F13A1: variants seen among roughly 807,000 people sequenced by gnomAD.
The protein encoded by F13A1 is FSF, A subunit.
F13A1 carries 47 observed loss-of-function variants against 80.1 expected under a neutral mutation model. The observed-to-expected ratio is 0.59, with a 90% CI of 0.46 to 0.75. The LOEUF (loss-of-function observed/expected upper bound fraction) is 0.75, where lower values mean the gene tolerates loss of function less well. Ranked by LOEUF, F13A1 falls within the 30% of genes least tolerant of loss-of-function variation. The probability of loss-of-function intolerance (pLI) is 0.00; values close to 1 mark genes in which losing one functional copy is unlikely to be tolerated. For synonymous variants in F13A1, 349 were observed against 344.9 expected (o/e 1.01, Z -0.13); for missense variants, 817 against 930.4 (o/e 0.88, Z 1.59).
At chr6:6,248,099 A>G (rs931339735) in intron 6 of F13A1, among the ~76,000 whole-genome samples, 3 of 152,242 alleles carry the variant, frequency 2.0e-5, no homozygotes, top group African/African-American at 7.2e-5. Context: ...AAAGCCAAAG[A>G]AACATACAGT....
chr6:6,182,161 G>C lies in F13A1; in HGVS notation c.1306-20C>G. On this transcript the variant is annotated intron_variant, in intron 10 of 14. Transcript: ENST00000264870. ...GTTGACCTGGAAACAGGAGAGGAGA[G>C]CATTAGCCATCATCACATGTCTGCT... 6.2e-7 allele frequency: 1 copy of C among 1,613,480 alleles called. No individual in the cohort carries two copies. Among genetic ancestry groups the C allele is most frequent in the South Asian group, 1.1e-5 (1 of 91,078 alleles).
chr6:6,265,464 G>A (rs1227898652), intron 4 of F13A1, among the ~76,000 whole-genome samples: 2 of 152,200 alleles, frequency 1.3e-5, no homozygotes, highest in Admixed American at 6.5e-5. Context: ...AAGTGTGGGA[G>A]CAGGGGAGAG....
At chr6:6,272,424 G>A (rs1164233947) in intron 3 of F13A1, among the ~76,000 whole-genome samples, 1 of 152,118 alleles carries the variant, frequency 6.6e-6, no homozygotes, top group Non-Finnish European at 1.5e-5. Flanking sequence ...CAGTGACTGA[G>A]TAGACACATC....
At chr6:6,248,453 T>G in intron 5 of F13A1, 34 bp from the exon 6 acceptor site, 1 of 1,544,298 alleles carries the variant, frequency 6.5e-7, no homozygotes, top group Non-Finnish European at 8.9e-7. Flanking sequence ...GAGAAACTAG[T>G]GTTCACTCTG....
chr6:6,249,903 C>A (rs1373391336), intron 5 of F13A1, among the ~76,000 whole-genome samples: 1 of 152,100 alleles, frequency 6.6e-6, no homozygotes, highest in Non-Finnish European at 1.5e-5. Flanking sequence ...GCATGTAATT[C>A]TCCGGAGTCA....
At chr6:6,198,570 A>G (rs1761333175) in intron 8 of F13A1, among the ~76,000 whole-genome samples, 1 of 152,150 alleles carries the variant, frequency 6.6e-6, no homozygotes, top group Admixed American at 6.5e-5. Flanking sequence ...GGTTCAAGAG[A>G]TATTAATTTC....
chr6:6,238,893 C>A (rs1055228120), intron 6 of F13A1, among the ~76,000 whole-genome samples: 6 of 152,214 alleles, frequency 3.9e-5, no homozygotes, highest in South Asian at 2.1e-4. Context: ...CTGGAACTCT[C>A]ATATGTTGCT....
At chr6:6,244,050 C>A (rs913059960) in intron 6 of F13A1, among the ~76,000 whole-genome samples, 1 of 152,198 alleles carries the variant, frequency 6.6e-6, no homozygotes, top group Non-Finnish European at 1.5e-5. Flanking sequence ...TCCCCAGAAC[C>A]ATGCTGCCCT....
chr6:6,279,886 C>A (rs1053488288), intron 3 of F13A1, among the ~76,000 whole-genome samples: 5 of 152,190 alleles, frequency 3.3e-5, no homozygotes, highest in Non-Finnish European at 7.3e-5. Flanking sequence ...CAACTGATGA[C>A]ATTTTTGCTA....
Position 6,250,078 on chromosome 6 carries a change from G to A in F13A1, c.690+733C>T, listed in dbSNP as rs565974272. ...GAAAACTCCCTGCTGGATGCCCAGCGCAATGATGCACAGTTCCAGCCATCC... is the reference window on the plus strand; with the variant it reads ...GAAAACTCCCTGCTGGATGCCCAGCACAATGATGCACAGTTCCAGCCATCC... On this transcript the variant is annotated intron_variant, in intron 5 of 14. Transcript: ENST00000264870. The surrounding 1 kb of genome is among the most constrained non-coding windows in gnomAD (Gnocchi z 4.2). Among the ~76,000 whole-genome samples the A allele has an allele frequency of 2.6e-5, 4 of 152,260 alleles. No homozygotes were observed. The East Asian group carries it at 5.8e-4, about 22-fold the overall frequency.
rs191243488 is a variant in F13A1, at chr6:6,271,920, G to A, written c.320-5111C>T. On this transcript the variant is annotated intron_variant, in intron 3 of 14. Transcript: ENST00000264870. ...AATCCCCCCAGCTGGGATGTAGGAGGAAGAAGATGAAAATCTTTAATTCCA... is the reference window on the plus strand; with the variant it reads ...AATCCCCCCAGCTGGGATGTAGGAGAAAGAAGATGAAAATCTTTAATTCCA... Among the ~76,000 whole-genome samples, 244 of 152,378 alleles carry A rather than the reference G, an allele frequency of 1.6e-3. 4 individuals are homozygous for A. Among genetic ancestry groups the A allele is most frequent in the African/African-American group, 5.6e-3 (233 of 41,588 alleles).
intron 3 of F13A1, among the ~76,000 whole-genome samples, chr6:6,279,355 T>A (rs1361690196): frequency 6.6e-6 from 1 of 152,214 alleles, no homozygotes; most frequent in Non-Finnish European, 1.5e-5. Context: ...CAATGTCTAA[T>A]TTATTGTAGT....
At chr6:6,312,518 A>G (rs1758618473) in intron 2 of F13A1, among the ~76,000 whole-genome samples, 1 of 61,772 alleles carries the variant, frequency 1.6e-5, no homozygotes, top group Non-Finnish European at 2.9e-5. Context: ...AAAAAAAAAA[A>G]AAAAGAAAAG....
At chr6:6,261,079 C>T (rs1757773707) in intron 4 of F13A1, among the ~76,000 whole-genome samples, 1 of 152,158 alleles carries the variant, frequency 6.6e-6, no homozygotes, top group Admixed American at 6.5e-5. Context: ...AGCAGTTCTC[C>T]TGCCTCAGCC....
chr6:6,158,000 C>T (rs947667331), intron 13 of F13A1, among the ~76,000 whole-genome samples: 8 of 152,132 alleles, frequency 5.3e-5, no homozygotes, highest in African/African-American at 1.9e-4. Flanking sequence ...AGTTTACGAT[C>T]ATCTATCCTG....
In F13A1 at chr6:6,295,133, C is replaced by T. The variant is rs1445794770; in HGVS notation, c.319+10218G>A. Among the ~76,000 whole-genome samples, 20 of 146,946 alleles carry T rather than the reference C, an allele frequency of 1.4e-4. 1 individual carries two copies. In the South Asian group the frequency reaches 4.1e-3, roughly 30 times the overall value. ...TGTATATGTGCCACATTTTCTTAAT[C>T]CAGTCTATCATTGTTGGATATTTGG... On this transcript the variant is annotated intron_variant, in intron 3 of 14. Coordinates refer to ENST00000264870, the MANE Select transcript of F13A1 (RefSeq NM_000129.4).
chr6:6,155,191 C>T (rs899769629), intron 13 of F13A1, among the ~76,000 whole-genome samples: 3 of 152,192 alleles, frequency 2.0e-5, no homozygotes, highest in Admixed American at 2.0e-4. Context: ...GCCTCCTACG[C>T]TGTGGAAAGT....
chr6:6,249,470 G>A (rs1220946244), intron 5 of F13A1, among the ~76,000 whole-genome samples: 1 of 152,174 alleles, frequency 6.6e-6, no homozygotes, highest in Non-Finnish European at 1.5e-5. Flanking sequence ...CTGTAAACAT[G>A]CTTGGCTGGT....
chr6:6,189,807 C>A (rs1214920812), intron 10 of F13A1, among the ~76,000 whole-genome samples: 2 of 151,548 alleles, frequency 1.3e-5, no homozygotes, highest in Non-Finnish European at 2.9e-5. Flanking sequence ...TGGATAATAT[C>A]CTGCAGAGTG....
Sources: allele counts gnomAD v4.1 joint callset (sites outside exome capture counted in the v4.1 genomes callset), GRCh38; gene constraint gnomAD v4.1.1; non-coding constraint Gnocchi (gnomAD v3.1); transcripts MANE v1.5; gene names NCBI Gene and HGNC (gene_info 2026-07-23, HGNC 2026-07-21).